STIL: variants seen among roughly 807,000 people sequenced by gnomAD.
STIL encodes the protein SCL-interrupting locus protein.
In STIL, 55 loss-of-function variants were observed where a neutral mutation model predicts 110.1. The observed-to-expected ratio is 0.50, with a 90% CI of 0.40 to 0.63. The LOEUF is 0.63. Ranked by LOEUF, STIL falls within the 20% of genes least tolerant of loss-of-function variation. The probability of loss-of-function intolerance (pLI) is 0.00; values close to 1 mark genes in which losing one functional copy is unlikely to be tolerated. For missense variants in STIL, 1,358 were observed against 1,530.0 expected, an observed-to-expected ratio of 0.89 and a Z score of 1.87; for synonymous variants, 481 against 530.0, an observed-to-expected ratio of 0.91 and a Z score of 1.27.
chr1:47,304,845 CTTG>C, intron 3 of STIL, 41 bp downstream of exon 3: 1 of 1,388,638 alleles, frequency 7.2e-7, no homozygotes, highest in Non-Finnish European at 1.0e-6. Flanking sequence ...TTGTATTACT[CTTG>C]TTTATACTGG....
At chr1:47,270,255 T>TACACAC (rs56253074) in intron 13 of STIL, among the ~76,000 whole-genome samples, 1,585 of 119,354 alleles carry the variant, frequency 0.013, 41 homozygotes, top group East Asian at 0.047. Flanking sequence ...TATATATATA[T>TACACAC]ACACACACAC....
chr1:47,303,621 G>C (rs901610208), intron 3 of STIL, among the ~76,000 whole-genome samples: 6 of 152,076 alleles, frequency 3.9e-5, no homozygotes, highest in African/African-American at 1.4e-4. Flanking sequence ...CACAGCTAAA[G>C]AGAAAATAAG....
intron 6 of STIL, among the ~76,000 whole-genome samples, chr1:47,297,636 G>C (rs919237987): frequency 1.6e-4 from 24 of 151,926 alleles, no homozygotes; most frequent in African/African-American, 5.6e-4. Flanking sequence ...GAGAGCAGTG[G>C]CTATTCACAG....
At chr1:47,253,402 T>C (rs1644242100) in intron 16 of STIL, among the ~76,000 whole-genome samples, 1 of 152,198 alleles carries the variant, frequency 6.6e-6, no homozygotes, top group African/African-American at 2.4e-5. Flanking sequence ...GGACAGAGTT[T>C]TGTCTGTTCT....
rs570642401 is a variant in STIL, at chr1:47,273,700, T to C, written c.2218-1459A>G. 1.6e-4 allele frequency among the ~76,000 whole-genome samples: 25 copies of C among 152,334 alleles called. 1 individual carries two copies. Among genetic ancestry groups the C allele is most frequent in the African/African-American group, 5.5e-4 (23 of 41,584 alleles). ...TGTGTGGACATATTTTTTTCACTTCTCTTGGGTATGTAACTAGGAGTGGAA... is the reference window on the plus strand; with the variant it reads ...TGTGTGGACATATTTTTTTCACTTCCCTTGGGTATGTAACTAGGAGTGGAA... On this transcript the variant is annotated intron_variant, in intron 12 of 16. Transcript: ENST00000371877.
intron 7 of STIL, among the ~76,000 whole-genome samples, chr1:47,293,918 G>A (rs556500600): frequency 1.2e-4 from 18 of 152,220 alleles, no homozygotes; most frequent in African/African-American, 3.8e-4. Flanking sequence ...AGGTAGTACA[G>A]ACTAATTTGC....
Position 47,250,546 on chromosome 1 carries a change from G to A in STIL, c.*590C>T, listed in dbSNP as rs560649217. Reference sequence around the variant, plus strand: ...CTTAAAATATACAGTATAGCTGGGCGCAGTGGCTCACGCCTGTAATCCCAG... The same window carrying A: ...CTTAAAATATACAGTATAGCTGGGCACAGTGGCTCACGCCTGTAATCCCAG... On this transcript the variant is annotated 3_prime_UTR_variant, in exon 17 of 17. Transcript: ENST00000371877. The A allele has an allele frequency of 2.5e-5, 4 of 160,262 alleles. No individual in the cohort carries two copies. Among genetic ancestry groups the A allele is most frequent in the East Asian group, 2.9e-4 (2 of 6,832 alleles). 9.9% of individuals were successfully genotyped at this position (160,262 alleles called of 1,614,324 possible).
intron 6 of STIL, among the ~76,000 whole-genome samples, chr1:47,299,293 G>A (rs1482517585): frequency 6.6e-6 from 1 of 151,636 alleles, no homozygotes. Context: ...GTTACAGTGA[G>A]CCAAGATCCC....
chr1:47,309,326 T>A (rs1646056031), intron 2 of STIL, among the ~76,000 whole-genome samples: 1 of 151,970 alleles, frequency 6.6e-6, no homozygotes, highest in African/African-American at 2.4e-5. Flanking sequence ...AACATGGGGT[T>A]TCCCCATGTT....
chr1:47,257,547 C>T (rs879737745), intron 16 of STIL, among the ~76,000 whole-genome samples: 1 of 152,092 alleles, frequency 6.6e-6, no homozygotes, highest in East Asian at 1.9e-4. Context: ...GATATTGCAT[C>T]AATAATAAAA....
At chr1:47,263,744 G>GTTTTTTT (rs60915271) in intron 14 of STIL, among the ~76,000 whole-genome samples, 4,105 of 98,010 alleles carry the variant, frequency 0.042, 678 homozygotes, top group Non-Finnish European at 0.063. Flanking sequence ...TTCATTCCAA[G>GTTTTTTT]TTTTTTTTTT....
At position 47,269,837 on chromosome 1, in the gene STIL, C is replaced by T. The variant is rs369445043; in HGVS notation, c.2413G>A (p.Glu805Lys). The change falls in exon 14 of 17, where the codon GAG becomes AAG. Residue 805 changes from glutamate (E) to lysine (K), a missense_variant. Physicochemically the swap from Glu to Lys is moderately conservative, Grantham distance 56. Coordinates refer to ENST00000371877, the MANE Select transcript of STIL (RefSeq NM_001048166.1). Reference sequence around the variant, plus strand: ...ATTTGAGAGTCAGGCTCTTGATCCTCACCTGCTGCATTCCAAAACAAGCTA... The same window carrying T: ...ATTTGAGAGTCAGGCTCTTGATCCTTACCTGCTGCATTCCAAAACAAGCTA... ...GASLFWNAAG[E>K]DQEPDSQMKQ... is the part of the protein sequence containing the mutation. The T allele has an allele frequency of 7.4e-6, 12 of 1,614,088 alleles. No homozygotes were observed. Among genetic ancestry groups the T allele is most frequent in the Admixed American group, 1.7e-5 (1 of 59,996 alleles).
intron 12 of STIL, among the ~76,000 whole-genome samples, chr1:47,276,186 G>A (rs576003406): frequency 1.3e-5 from 2 of 151,756 alleles, no homozygotes; most frequent in South Asian, 4.2e-4. Context: ...ATTTTTAGTA[G>A]AGACGGGATT....
chr1:47,287,766 A>G (rs997914105), intron 9 of STIL, 106 bp from the exon 10 acceptor site: 76 of 860,882 alleles, frequency 8.8e-5, no homozygotes, highest in African/African-American at 7.3e-4. Flanking sequence ...GGAGTGGCAG[A>G]CTTCTGATTT....
intron 14 of STIL, 82 bp from the exon 15 acceptor site, chr1:47,263,198 A>T: frequency 7.7e-7 from 1 of 1,295,392 alleles, no homozygotes; most frequent in Non-Finnish European, 1.1e-6. Context: ...AAAAAGGGTT[A>T]AGACTCAAGC....
chr1:47,313,413 C>T (rs111450029), intron 1 of STIL, among the ~76,000 whole-genome samples: 2 of 149,984 alleles, frequency 1.3e-5, no homozygotes, highest in South Asian at 2.1e-4. Context: ...CAGCCCCACT[C>T]TATTATTCCA....
chr1:47,306,668 G>A (rs543582929), intron 2 of STIL, among the ~76,000 whole-genome samples: 3 of 152,182 alleles, frequency 2.0e-5, no homozygotes, highest in Admixed American at 6.5e-5. Flanking sequence ...TCCAAATTTG[G>A]TATTCTGGAA....
chr1:47,264,412 G>C (rs1644576740), intron 14 of STIL, among the ~76,000 whole-genome samples: 1 of 152,130 alleles, frequency 6.6e-6, no homozygotes, highest in African/African-American at 2.4e-5. Flanking sequence ...AAAGATTTAA[G>C]ATTAAATAAA....
chr1:47,274,237 A>G (rs2981631), intron 12 of STIL, among the ~76,000 whole-genome samples: 27 of 152,358 alleles, frequency 1.8e-4, no homozygotes, highest in African/African-American at 3.1e-4. Context: ...CTCAGGTCCT[A>G]AAATTGATCA....
Sources: gnomAD v4.1 joint callset for allele counts (sites outside exome capture counted in the v4.1 genomes callset) on GRCh38, gnomAD v4.1.1 for gene constraint, MANE v1.5 for transcripts, NCBI Gene and HGNC (gene_info 2026-07-23, HGNC 2026-07-21) for gene names.